AOAH: variants seen among roughly 807,000 people sequenced by gnomAD.
AOAH encodes acyloxyacyl hydrolase.
A neutral mutation model predicts 92.2 loss-of-function variants in AOAH; 64 were observed. The ratio of observed to expected loss-of-function variants is 0.69; its 90% CI spans 0.57 to 0.86. The LOEUF is 0.86. Among genes scored for constraint, AOAH ranks in the 40% least tolerant of loss-of-function variants. The pLI is 0.00. For missense variants in AOAH, 656 were observed against 694.6 expected (o/e 0.94, Z 0.62); for synonymous variants, 263 against 254.5 (o/e 1.03, Z -0.32).
intron 4 of AOAH, among the ~76,000 whole-genome samples, chr7:36,638,234 A>T (rs1436133092): frequency 6.6e-6 from 1 of 152,194 alleles, no homozygotes; most frequent in African/African-American, 2.4e-5. Context: ...TCTGGCAGAG[A>T]GGCAATCTGA....
chr7:36,641,792 G>A (rs908560879), intron 4 of AOAH, among the ~76,000 whole-genome samples: 7 of 152,130 alleles, frequency 4.6e-5, no homozygotes, highest in African/African-American at 1.4e-4. Flanking sequence ...CACTCCCTAC[G>A]TTTGCACCTG....
intron 11 of AOAH, among the ~76,000 whole-genome samples, chr7:36,615,893 T>A (rs532273041): frequency 3.3e-5 from 5 of 151,914 alleles, no homozygotes; most frequent in East Asian, 1.9e-4. Flanking sequence ...TTTTTTTTTT[T>A]ATTAAAAAAC....
At chr7:36,588,189 A>G (rs945500658) in intron 12 of AOAH, among the ~76,000 whole-genome samples, 8 of 152,254 alleles carry the variant, frequency 5.3e-5, no homozygotes, top group African/African-American at 1.9e-4. Context: ...TGAAGAACAC[A>G]GTGACTACTA....
At chr7:36,680,660 C>T (rs1419817582) in intron 2 of AOAH, among the ~76,000 whole-genome samples, 1 of 152,328 alleles carries the variant, frequency 6.6e-6, no homozygotes, top group East Asian at 1.9e-4. Flanking sequence ...TTGTTTTTCT[C>T]ATCCATAAAA....
intron 13 of AOAH, among the ~76,000 whole-genome samples, chr7:36,565,388 A>G (rs1463259584): frequency 6.6e-6 from 1 of 152,230 alleles, no homozygotes; most frequent in African/African-American, 2.4e-5. Flanking sequence ...GACAAAGGTG[A>G]CTTCTTTGCT....
intron 3 of AOAH, chr7:36,661,036 G>C (rs981364817): frequency 6.6e-5 from 10 of 152,178 alleles, no homozygotes; most frequent in Admixed American, 3.9e-4. Context: ...AATACCCAGA[G>C]ACCAACCTTT....
chr7:36,629,727 C>A (rs190731809), intron 6 of AOAH, among the ~76,000 whole-genome samples: 1 of 152,220 alleles, frequency 6.6e-6, no homozygotes, highest in African/African-American at 2.4e-5. Context: ...TGAATCATAG[C>A]CTCCTCCTGT....
chr7:36,658,903 G>C (rs1378796102), intron 4 of AOAH, among the ~76,000 whole-genome samples: 1 of 152,148 alleles, frequency 6.6e-6, no homozygotes, highest in Non-Finnish European at 1.5e-5. Context: ...GCGTCTCTTT[G>C]ATCAGATTTC....
chr7:36,632,101 A>G lies in AOAH; in HGVS notation c.456T>C (p.Tyr152=). ...QIVKKSPILK[Y]SRSGSDICSL... Reference sequence around the variant, plus strand: ...AACAAATGTCAGAACCACTTCTAGAATATTTCTGGGGAGAAAAAAAAAAAC... The same window carrying G: ...AACAAATGTCAGAACCACTTCTAGAGTATTTCTGGGGAGAAAAAAAAAAAC... Residue 152 remains tyrosine (Y), a synonymous_variant, in exon 6 of 21, where the codon TAT becomes TAC. Transcript: ENST00000617537. 1.2e-6 allele frequency: 2 copies of G among 1,610,328 alleles called. No individual in the cohort carries two copies. Among genetic ancestry groups the G allele is most frequent in the Non-Finnish European group, 8.5e-7 (1 of 1,178,432 alleles).
chr7:36,518,459 C>G (rs1430895118), intron 20 of AOAH, among the ~76,000 whole-genome samples: 1 of 152,182 alleles, frequency 6.6e-6, no homozygotes, highest in Non-Finnish European at 1.5e-5. Flanking sequence ...CCAGCGGAAA[C>G]TTTTATCATA....
intron 12 of AOAH, among the ~76,000 whole-genome samples, chr7:36,588,743 C>T (rs531287443): frequency 2.0e-5 from 3 of 152,092 alleles, no homozygotes; most frequent in Non-Finnish European, 4.4e-5. Context: ...GAATAGATAA[C>T]CTTTAACGCT....
chr7:36,662,393 A>C (rs1795270482), intron 3 of AOAH, among the ~76,000 whole-genome samples: 1 of 152,242 alleles, frequency 6.6e-6, no homozygotes. Flanking sequence ...TAAGACTGCA[A>C]CTAAAAGTAT....
chr7:36,528,922 G>A (rs1383440117), intron 19 of AOAH, among the ~76,000 whole-genome samples: 1 of 152,152 alleles, frequency 6.6e-6, no homozygotes, highest in African/African-American at 2.4e-5. Context: ...TTGAATGCAG[G>A]TTCTGATTAG....
At chr7:36,531,407 C>T (rs567868236) in intron 18 of AOAH, among the ~76,000 whole-genome samples, 16 of 152,112 alleles carry the variant, frequency 1.1e-4, no homozygotes, top group Admixed American at 2.0e-4. Flanking sequence ...AATGCAATGG[C>T]GCGATCTTGG....
intron 15 of AOAH, among the ~76,000 whole-genome samples, chr7:36,544,016 C>T (rs1424454066): frequency 1.5e-5 from 2 of 137,166 alleles, no homozygotes; most frequent in African/African-American, 2.8e-5. Flanking sequence ...GGTGCGATCT[C>T]GCTCACTGCA....
At chr7:36,523,945 G>A (rs1405870058) in intron 19 of AOAH, among the ~76,000 whole-genome samples, 3 of 152,012 alleles carry the variant, frequency 2.0e-5, no homozygotes, top group Admixed American at 2.0e-4. Flanking sequence ...TATGGTCTTT[G>A]TCCCATCTCT....
chr7:36,667,722 A>G (rs1012539774), intron 3 of AOAH, among the ~76,000 whole-genome samples: 2 of 152,186 alleles, frequency 1.3e-5, no homozygotes, highest in African/African-American at 4.8e-5. Context: ...TGCCTCCCAT[A>G]TTTTGATGCT....
At chr7:36,702,352 G>A (rs1798080837) in intron 1 of AOAH, among the ~76,000 whole-genome samples, 1 of 152,136 alleles carries the variant, frequency 6.6e-6, no homozygotes. Flanking sequence ...TGGCATGTCT[G>A]CCAGCACTGA....
chr7:36,538,120 T>A (rs755455554), intron 16 of AOAH, among the ~76,000 whole-genome samples: 28 of 151,342 alleles, frequency 1.9e-4, no homozygotes, highest in Non-Finnish European at 3.5e-4. Context: ...CTCTGCCTCC[T>A]GGGTTCAAGC....
Sources: gnomAD v4.1 joint callset for allele counts (sites outside exome capture counted in the v4.1 genomes callset) on GRCh38, gnomAD v4.1.1 for gene constraint, MANE v1.5 for transcripts, NCBI Gene and HGNC (gene_info 2026-07-23, HGNC 2026-07-21) for gene names.